CREB3L1: variants seen among roughly 807,000 people sequenced by gnomAD.
CREB3L1 encodes the protein cAMP responsive element binding protein 3 like 1, also known as cyclic AMP-responsive element-binding protein 3-like protein 1.
Under a neutral mutation model 54.5 loss-of-function variants are expected in CREB3L1, and 33 were observed. The ratio of observed to expected loss-of-function variants is 0.61; its 90% CI spans 0.46 to 0.81. CREB3L1 has a LOEUF of 0.81. CREB3L1 is among the 30% of genes least tolerant of loss of function. CREB3L1 has a pLI of 0.00. For synonymous variants in CREB3L1, 284 were observed against 286.4 expected, an observed-to-expected ratio of 0.99 and a Z score of 0.08; for missense variants, 656 against 673.3, an observed-to-expected ratio of 0.97 and a Z score of 0.29.
At chr11:46,289,011 GTTA>G (rs1025263702) in intron 1 of CREB3L1, among the ~76,000 whole-genome samples, 20 of 152,308 alleles carry the variant, frequency 1.3e-4, no homozygotes, top group Admixed American at 4.6e-4. Context: ...AATATTCGCT[GTTA>G]TTATATTATG....
chr11:46,287,180 A>T (rs1013183095), intron 1 of CREB3L1, among the ~76,000 whole-genome samples: 8 of 152,250 alleles, frequency 5.3e-5, no homozygotes, highest in Non-Finnish European at 1.5e-5. Flanking sequence ...ATCCAAAAGT[A>T]GGGTTCATGG....
At chr11:46,310,424 C>A (rs4756069) in intron 4 of CREB3L1, among the ~76,000 whole-genome samples, 1 of 151,984 alleles carries the variant, frequency 6.6e-6, no homozygotes. Flanking sequence ...CCCACCACCA[C>A]GCCTGGCTAA....
At chr11:46,285,775 G>A (rs531318097) in intron 1 of CREB3L1, among the ~76,000 whole-genome samples, 1 of 152,298 alleles carries the variant, frequency 6.6e-6, no homozygotes, top group South Asian at 2.1e-4. Flanking sequence ...GCTGGGATGT[G>A]CGGTCCGACA....
chr11:46,300,379 A>G (rs888699006), intron 2 of CREB3L1, among the ~76,000 whole-genome samples: 2 of 152,220 alleles, frequency 1.3e-5, no homozygotes, highest in African/African-American at 4.8e-5. Flanking sequence ...TTGCTGACTT[A>G]AGTCAGTGGT....
At chr11:46,293,492 G>C (rs1216215003) in intron 1 of CREB3L1, among the ~76,000 whole-genome samples, 1 of 152,222 alleles carries the variant, frequency 6.6e-6, no homozygotes, top group African/African-American at 2.4e-5. Flanking sequence ...GGAAGGGCCA[G>C]ACTAACAGGG....
chr11:46,283,703 G>T (rs1336502364), intron 1 of CREB3L1, among the ~76,000 whole-genome samples: 2 of 152,010 alleles, frequency 1.3e-5, no homozygotes, highest in Non-Finnish European at 2.9e-5. Context: ...AACACAGAAA[G>T]ACTCCGTCTC....
intron 2 of CREB3L1, among the ~76,000 whole-genome samples, chr11:46,305,690 A>ATGTGTGTGTGTGTATATATGTGTG: frequency 9.0e-6 from 1 of 111,620 alleles, no homozygotes; most frequent in South Asian, 3.2e-4. Context: ...GTGTGTATAT[A>ATGTGTGTGTGTGTATATATGTGTG]TGTGTGTGTG....
intron 5 of CREB3L1, among the ~76,000 whole-genome samples, chr11:46,312,016 G>A (rs917153171): frequency 6.6e-6 from 1 of 152,170 alleles, no homozygotes; most frequent in African/African-American, 2.4e-5. Flanking sequence ...AGATTGTAGG[G>A]AGGGGTCTGA....
Position 46,311,084 on chromosome 11 carries a change from C to A in CREB3L1, c.648C>A (p.Ser216Arg). The A allele has an allele frequency of 6.2e-7, 1 of 1,609,556 alleles. No homozygotes were observed. The highest frequency in any genetic ancestry group is 1.1e-5 in the South Asian group (1 of 90,770). Residue 216 changes from serine to arginine, a missense_variant, in exon 5 of 12, where the codon AGC becomes AGA. By Grantham distance (110) the Ser-to-Arg change is moderately radical. Around this residue, in one of 3 missense-constraint regions of CREB3L1, gnomAD observed 339 missense variants for 331.5 expected, o/e 1.02. Coordinates refer to ENST00000621158, the MANE Select transcript of CREB3L1 (RefSeq NM_052854.4). Reference protein sequence around the residue: ...PTPPSSHGSDSDGSQSPRSLP... With the variant: ...PTPPSSHGSDRDGSQSPRSLP... ...CCCCCAGCAGCCATGGCAGTGACAG[C>A]GACGGCTCCCAGAGTCCCCGCTCTC...
intron 2 of CREB3L1, among the ~76,000 whole-genome samples, chr11:46,305,833 G>A (rs1055624387): frequency 6.0e-5 from 9 of 150,348 alleles, no homozygotes; most frequent in Admixed American, 5.3e-4. Context: ...CGCCTCCCGG[G>A]TTCATGCCAT....
chr11:46,300,801 C>A (rs181632254), intron 2 of CREB3L1, among the ~76,000 whole-genome samples: 1 of 150,760 alleles, frequency 6.6e-6, no homozygotes, highest in African/African-American at 2.4e-5. Flanking sequence ...GTCAGGAGAT[C>A]GAGACCATCC....
chr11:46,277,922 C>CT lies in CREB3L1; in HGVS notation c.-189dup, dbSNP rs1313664863. 3 of 397,410 alleles carry CT rather than the reference C, an allele frequency of 7.5e-6. No homozygotes were observed. The highest frequency in any genetic ancestry group is 1.3e-5 in the Non-Finnish European group (3 of 226,596). 24.6% of individuals were successfully genotyped at this position (397,410 alleles called of 1,614,324 possible). A position where few individuals can be genotyped will look rare whatever the true frequency, so the allele number is the denominator to read the frequency against. ...GCCCATCCCGCTCCTAGCCGCTGCCCTAAGGCCCCCGCGCGCCCCGCGCCC... is the reference window on the plus strand; with the variant it reads ...GCCCATCCCGCTCCTAGCCGCTGCCCTTAAGGCCCCCGCGCGCCCCGCGCCC... On this transcript the variant is annotated 5_prime_UTR_variant, in exon 1 of 12. Coordinates refer to ENST00000621158, the MANE Select transcript of CREB3L1 (RefSeq NM_052854.4).
rs779504796 is a variant in CREB3L1 at position 46,312,397 on chromosome 11, C to G, written c.826C>G (p.Pro276Ala). 1 of 1,613,682 alleles carries G rather than the reference C, an allele frequency of 6.2e-7. No individual in the cohort carries two copies. Among genetic ancestry groups the G allele is most frequent in the Non-Finnish European group, 8.5e-7 (1 of 1,179,770 alleles). Residue 276 changes from proline to alanine, a missense_variant, in exon 6 of 12, where the codon CCC (proline) becomes GCC (alanine). Coordinates refer to ENST00000621158, the MANE Select transcript of CREB3L1 (RefSeq NM_052854.4). ...EKRTLIAEGYPIPTKLPLTKA... is the reference protein window; with the variant it reads ...EKRTLIAEGYAIPTKLPLTKA... Reference sequence around the variant, plus strand: ...GCGGACCCTGATTGCTGAGGGCTACCCCATCCCCACAAAACTCCCCCTCAC... The same window carrying G: ...GCGGACCCTGATTGCTGAGGGCTACGCCATCCCCACAAAACTCCCCCTCAC...
chr11:46,280,171 GTT>G (rs71451645), intron 1 of CREB3L1, among the ~76,000 whole-genome samples: 44 of 144,078 alleles, frequency 3.1e-4, no homozygotes, highest in Admixed American at 1.9e-3. Flanking sequence ...TTCTTTTCTT[GTT>G]TTTTTTTTTG....
At chr11:46,306,769 C>G (rs1939402379) in intron 2 of CREB3L1, among the ~76,000 whole-genome samples, 1 of 149,498 alleles carries the variant, frequency 6.7e-6, no homozygotes, top group Admixed American at 6.6e-5. Flanking sequence ...TTATTGAACA[C>G]TTACTCTTTT....
At chr11:46,285,738 C>T (rs985413283) in intron 1 of CREB3L1, among the ~76,000 whole-genome samples, 2 of 152,184 alleles carry the variant, frequency 1.3e-5, no homozygotes, top group Admixed American at 6.5e-5. Flanking sequence ...GCCACTTCAC[C>T]CATCACAGAG....
chr11:46,310,391 C>T (rs1477377787), intron 4 of CREB3L1, among the ~76,000 whole-genome samples: 1 of 152,106 alleles, frequency 6.6e-6, no homozygotes, highest in Non-Finnish European at 1.5e-5. Context: ...TCTCAGCCTC[C>T]TAAGTACCTG....
intron 3 of CREB3L1, among the ~76,000 whole-genome samples, chr11:46,309,124 C>T (rs1245341741): frequency 1.3e-5 from 2 of 152,210 alleles, no homozygotes; most frequent in East Asian, 3.8e-4. Flanking sequence ...CTCTGCACCG[C>T]AGTCCCCTCT....
Position 46,321,073 on chromosome 11 carries a change from C to T in CREB3L1, c.*327C>T. ...GCACCCAAACAGACACATCAACGCACCCCACTCACAGACACCCCTTACCCC... is the reference window on the plus strand; with the variant it reads ...GCACCCAAACAGACACATCAACGCATCCCACTCACAGACACCCCTTACCCC... On this transcript the variant is annotated 3_prime_UTR_variant, in exon 12 of 12. Coordinates refer to ENST00000621158, the MANE Select transcript of CREB3L1 (RefSeq NM_052854.4). The T allele has an allele frequency of 3.6e-6, 2 of 561,704 alleles. No homozygotes were observed. Among genetic ancestry groups the T allele is most frequent in the Non-Finnish European group, 6.5e-6 (2 of 306,890 alleles). The allele number at this position is 561,704 out of a possible 1,614,324, so 34.8% of individuals were successfully genotyped here.
Sources: allele counts gnomAD v4.1 joint callset (sites outside exome capture counted in the v4.1 genomes callset), GRCh38; gene constraint gnomAD v4.1.1; regional missense constraint gnomAD v4.1.1; transcripts MANE v1.5; gene names NCBI Gene and HGNC (gene_info 2026-07-23, HGNC 2026-07-21).